ARHGEF40: variants seen among roughly 807,000 people sequenced by gnomAD.
ARHGEF40 encodes Rho guanine nucleotide exchange factor (GEF) 40.
In ARHGEF40, 98 loss-of-function variants were observed where a neutral mutation model predicts 165.9. The ratio of observed to expected loss-of-function variants is 0.59; its 90% confidence interval spans 0.50 to 0.70. ARHGEF40 has a LOEUF of 0.70. ARHGEF40 is among the 30% of genes least tolerant of loss of function. The probability of loss-of-function intolerance (pLI) is 0.00; values close to 1 mark genes in which losing one functional copy is unlikely to be tolerated. For missense variants in ARHGEF40, 1,815 were observed against 1,968.0 expected, an observed-to-expected ratio of 0.92 and a Z score of 1.47; for synonymous variants, 792 against 814.3, an observed-to-expected ratio of 0.97 and a Z score of 0.47.
chr14:21,078,345 C>T (rs747284418), intron 9 of ARHGEF40, 28 bp from the exon 10 acceptor site: 9 of 1,596,092 alleles, frequency 5.6e-6, no homozygotes, highest in African/African-American at 1.3e-5. Flanking sequence ...TGGTGGAACC[C>T]CAACTGGCAA....
chr14:21,083,782 G>A, intron 16 of ARHGEF40, 53 bp from the exon 17 acceptor site: 2 of 1,448,150 alleles, frequency 1.4e-6, no homozygotes, highest in Non-Finnish European at 1.9e-6. Flanking sequence ...CCCTGAGCTT[G>A]GCCCCCAGAG....
At chr14:21,062,579 A>G in the ARHGEF40 span, among the ~76,000 whole-genome samples, 8 of 152,322 alleles carry the variant, frequency 5.3e-5, no homozygotes, top group South Asian at 1.7e-3. Flanking sequence ...CAGAAAAAGT[A>G]AAACTCAAAG....
chr14:21,076,434 T>C lies in ARHGEF40; in HGVS notation c.1814T>C (p.Ile605Thr). Residue 605 changes from isoleucine (I) to threonine (T), a missense_variant, in exon 6 of 24, where the codon ATT (isoleucine) becomes ACT (threonine). Ile to Thr is a moderately conservative substitution (Grantham distance 89, BLOSUM62 -1). Coordinates refer to ENST00000298694, the MANE Select transcript of ARHGEF40 (RefSeq NM_018071.5). ...RQAPPLPPAL[I>T]PALSQLQDSG... Reference sequence around the variant, plus strand: ...GCACCTCCACTGCCTCCAGCACTCATTCCTGCCTTGAGCCAACTTCAGGTA... The same window carrying C: ...GCACCTCCACTGCCTCCAGCACTCACTCCTGCCTTGAGCCAACTTCAGGTA... 2 of 1,613,930 alleles carry C rather than the reference T, an allele frequency of 1.2e-6. No homozygotes were observed. The highest frequency in any genetic ancestry group is 1.7e-6 in the Non-Finnish European group (2 of 1,180,040).
chr14:21,087,995 A>G lies in ARHGEF40; in HGVS notation c.4415A>G (p.Asp1472Gly), dbSNP rs769961470. The stretch of plus-strand genomic sequence containing the variant: ...CCAGAAACACTTGACTCTTCTGGAG[A>G]TGTGTCCCCAGGACCAAGAAACAGC... The part of the protein sequence containing the change: ...LAPETLDSSG[D>G]VSPGPRNSPS... The change falls in exon 22 of 24, where the codon GAT (aspartate) becomes GGT (glycine). Residue 1472 changes from aspartate (D) to glycine (G), a missense_variant. Coordinates refer to ENST00000298694, the MANE Select transcript of ARHGEF40 (RefSeq NM_018071.5). The G allele has an allele frequency of 5.0e-6, 8 of 1,613,844 alleles. No homozygotes were observed. In the East Asian group the frequency reaches 1.3e-4, roughly 27 times the overall value.
chr14:21,082,579 G>A, intron 15 of ARHGEF40, 101 bp downstream of exon 15: 2 of 1,336,266 alleles, frequency 1.5e-6, no homozygotes, highest in Non-Finnish European at 2.0e-6. Flanking sequence ...CTCCTCCCAT[G>A]TGTGGTCCAT....
chr14:21,075,480 T>G lies in ARHGEF40; in HGVS notation c.1599T>G (p.Ser533=). 6.2e-7 allele frequency: 1 copy of G among 1,614,162 alleles called. No homozygotes were observed. Among genetic ancestry groups the G allele is most frequent in the Non-Finnish European group, 8.5e-7 (1 of 1,180,016 alleles). ...HPDVAWDLMA[S]GFLILTGGVD... ...ATGTAGCTTGGGACTTGATGGCATC[T>G]GGATTCCTCATCCTGACGGGTCAGT... Residue 533 remains serine, a synonymous_variant, in exon 4 of 24, where the codon TCT becomes TCG. Transcript: ENST00000298694. This position sits in a 1 kb window ranked among gnomAD's most constrained non-coding sequence, Gnocchi z 4.5.
In ARHGEF40 at chr14:21,078,291, C is replaced by T. The variant is rs368053097; in HGVS notation, c.2130+19C>T. On this transcript the variant is annotated intron_variant, in intron 9 of 23. Transcript: ENST00000298694. Reference sequence around the variant, plus strand: ...GGAAGAGGTATGAAATGAGATGGGACAGTGGGGGGATGGGATTGGGATGGG... The same window carrying T: ...GGAAGAGGTATGAAATGAGATGGGATAGTGGGGGGATGGGATTGGGATGGG... 8.7e-6 allele frequency: 14 copies of T among 1,611,486 alleles called. No individual in the cohort carries two copies. The African/African-American group carries it at 1.7e-4, about 20-fold the overall frequency.
In ARHGEF40 at chr14:21,073,239, C is replaced by G. The variant is rs766804902; in HGVS notation, c.198C>G (p.Ala66=). ...KHLLAKVQQE[A]CAQYSGFLFF... The stretch of plus-strand genomic sequence containing the variant: ...TGCTTGCCAAGGTCCAGCAGGAAGC[C>G]TGTGTGAGTGGCCGTGCATCACTAT... The change falls in exon 2 of 24, where the codon GCC becomes GCG. Residue 66 remains alanine, a synonymous_variant. Transcript: ENST00000298694. The surrounding 1 kb of genome is among the most constrained non-coding windows in gnomAD (Gnocchi z 4.6). The G allele has an allele frequency of 5.6e-6, 9 of 1,606,554 alleles. No individual in the cohort carries two copies. Among genetic ancestry groups the G allele is most frequent in the Admixed American group, 5.1e-5 (3 of 58,764 alleles).
intron 8 of ARHGEF40, among the ~76,000 whole-genome samples, chr14:21,077,843 G>C (rs529732626): frequency 6.6e-6 from 1 of 152,184 alleles, no homozygotes; most frequent in African/African-American, 2.4e-5. Flanking sequence ...GGCAGAGAGA[G>C]GGGGTGTGAC....
chr14:21,075,555 G>C lies in ARHGEF40; in HGVS notation c.1618+56G>C, dbSNP rs777484207. On this transcript the variant is annotated intron_variant, in intron 4 of 23. Coordinates refer to ENST00000298694, the MANE Select transcript of ARHGEF40 (RefSeq NM_018071.5). This position sits in a 1 kb window ranked among gnomAD's most constrained non-coding sequence, Gnocchi z 4.5. ...AGGACTGGGAAAGAGAAGCAATTGG[G>C]TGGGCTTGGGGACTGGGGGAGGCAG... The C allele has an allele frequency of 3.1e-6, 5 of 1,614,016 alleles. No individual in the cohort carries two copies. The highest frequency in any genetic ancestry group is 4.2e-6 in the Non-Finnish European group (5 of 1,180,008).
Position 21,088,048 on chromosome 14 carries a change from A to T in ARHGEF40, c.4468A>T (p.Ser1490Cys), listed in dbSNP as rs751368262. The T allele has an allele frequency of 6.2e-7, 1 of 1,613,830 alleles. No individual in the cohort carries two copies. Among genetic ancestry groups the T allele is most frequent in the South Asian group, 1.1e-5 (1 of 91,060 alleles). ...CAGCCTGCAACCCCCCCACCCTGGG[A>T]GCAGCACTCCCACCCTGGCCAGTCG... Reference protein sequence around the residue: ...SPSLQPPHPGSSTPTLASRGI... With the variant: ...SPSLQPPHPGCSTPTLASRGI... The change falls in exon 22 of 24, where the codon AGC (serine) becomes TGC (cysteine). Residue 1490 changes from serine (S) to cysteine (C), a missense_variant. Physicochemically the swap from Ser to Cys is moderately radical, Grantham distance 112. Coordinates refer to ENST00000298694, the MANE Select transcript of ARHGEF40 (RefSeq NM_018071.5).
upstream of ARHGEF40, among the ~76,000 whole-genome samples, chr14:21,066,703 G>A (rs770632503): frequency 6.6e-6 from 1 of 152,198 alleles, no homozygotes; most frequent in Non-Finnish European, 1.5e-5. Flanking sequence ...GGTAAGAGTG[G>A]AACAGGCAGA....
rs1223465083 is a variant in ARHGEF40 at position 21,089,167 on chromosome 14, C to T, written c.*159C>T. Reference sequence around the variant, plus strand: ...TAACGACCAGAGTATTGCCCTGCCACCACTATCTCTAGTCTCCCTAGCTTG... The same window carrying T: ...TAACGACCAGAGTATTGCCCTGCCATCACTATCTCTAGTCTCCCTAGCTTG... On this transcript the variant is annotated 3_prime_UTR_variant, in exon 24 of 24. Coordinates refer to ENST00000298694, the MANE Select transcript of ARHGEF40 (RefSeq NM_018071.5). 3 of 384,174 alleles carry T rather than the reference C, an allele frequency of 7.8e-6. No homozygotes were observed. Among genetic ancestry groups the T allele is most frequent in the African/African-American group, 6.2e-5 (3 of 48,550 alleles). 23.8% of individuals were successfully genotyped at this position (384,174 alleles called of 1,614,324 possible).
In ARHGEF40 at chr14:21,081,916, T is replaced by C. The variant is rs1332973338; in HGVS notation, c.3048T>C (p.Tyr1016=). 3.1e-6 allele frequency: 5 copies of C among 1,613,110 alleles called. No individual in the cohort carries two copies. Among genetic ancestry groups the C allele is most frequent in the Non-Finnish European group, 4.2e-6 (5 of 1,179,724 alleles). The change falls in exon 14 of 24, where the codon TAT becomes TAC. Residue 1016 remains tyrosine (Y), a synonymous_variant. Coordinates refer to ENST00000298694, the MANE Select transcript of ARHGEF40 (RefSeq NM_018071.5). ...CCCTGGCCCCATGTGGAGAGGACTA[T>C]GAGGAAGAGGGCCCTGAGCTGGCTC... ...HCSLAPCGED[Y]EEEGPELAPE... is the part of the protein sequence containing the mutation.
chr14:21,084,969 C>A, intron 18 of ARHGEF40, 46 bp downstream of exon 18: 1 of 1,591,150 alleles, frequency 6.3e-7, no homozygotes, highest in South Asian at 1.1e-5. Context: ...AAGTCATTCT[C>A]TTCTTGAGAA....
upstream of ARHGEF40, among the ~76,000 whole-genome samples, chr14:21,068,773 C>T (rs1886435601): frequency 6.6e-6 from 1 of 152,220 alleles, no homozygotes; most frequent in South Asian, 2.1e-4. Context: ...GGCTTGTTGC[C>T]ATAGGTTCTT....
chr14:21,073,154 G>T lies in ARHGEF40; in HGVS notation c.113G>T (p.Arg38Met), dbSNP rs767249770. 3 of 1,614,036 alleles carry T rather than the reference G, an allele frequency of 1.9e-6. No individual in the cohort carries two copies. The highest frequency in any genetic ancestry group is 2.5e-6 in the Non-Finnish European group (3 of 1,180,026). The change falls in exon 2 of 24, where the codon AGG becomes ATG. Residue 38 changes from arginine (R) to methionine (M), a missense_variant. Physicochemically the swap from Arg to Met is moderately conservative, Grantham distance 91. Coordinates refer to ENST00000298694, the MANE Select transcript of ARHGEF40 (RefSeq NM_018071.5). The surrounding 1 kb of genome is among the most constrained non-coding windows in gnomAD (Gnocchi z 4.6). ...LLGQVFQVVE[R>M]TYREDALRYT... ...GGCCAGGTGTTCCAGGTGGTGGAGA[G>T]GACTTATCGGGAGGACGCACTGAGG...
chr14:21,069,380 G>C (rs1886490950), upstream of ARHGEF40, among the ~76,000 whole-genome samples: 1 of 152,192 alleles, frequency 6.6e-6, no homozygotes, highest in Non-Finnish European at 1.5e-5. Flanking sequence ...GGACTCTATA[G>C]CCACCCCAAC....
At position 21,070,422 on chromosome 14, in the gene ARHGEF40, C is replaced by A; in HGVS notation, c.3+23C>A. 7.1e-7 allele frequency: 1 copy of A among 1,409,544 alleles called. No individual in the cohort carries two copies. Among genetic ancestry groups the A allele is most frequent in the Non-Finnish European group, 9.2e-7 (1 of 1,091,028 alleles). The allele number at this position is 1,409,544 out of a possible 1,614,324, so 87.3% of individuals were successfully genotyped here. On this transcript the variant is annotated intron_variant, in intron 1 of 23. Coordinates refer to ENST00000298694, the MANE Select transcript of ARHGEF40 (RefSeq NM_018071.5). The surrounding 1 kb of genome is among the most constrained non-coding windows in gnomAD (Gnocchi z 4.7). Reference sequence around the variant, plus strand: ...ATGGTGAGTCCAGCGTCGCAGCCCCCTGGGTCCCCTCGGCCTTCGCGCAGC... The same window carrying A: ...ATGGTGAGTCCAGCGTCGCAGCCCCATGGGTCCCCTCGGCCTTCGCGCAGC...
Sources: gnomAD v4.1 joint callset for allele counts (sites outside exome capture counted in the v4.1 genomes callset) on GRCh38, gnomAD v4.1.1 for gene constraint, Gnocchi (gnomAD v3.1) non-coding constraint, MANE v1.5 for transcripts, NCBI Gene and HGNC (gene_info 2026-07-23, HGNC 2026-07-21) for gene names.